COASY: variants seen among roughly 807,000 people sequenced by gnomAD.
The protein encoded by COASY is bifunctional coenzyme A synthase.
COASY carries 31 observed loss-of-function variants against 49.4 expected under a neutral mutation model. The ratio of observed to expected loss-of-function variants is 0.63; its 90% CI spans 0.47 to 0.85. The LOEUF is 0.85. COASY is among the 40% of genes least tolerant of loss of function. COASY has a pLI of 0.00. For synonymous variants in COASY, 285 were observed against 310.9 expected (o/e 0.92, Z 0.88); for missense variants, 730 against 734.1 (o/e 0.99, Z 0.06).
At chr17:42,564,287 T>G (rs2092991351) in intron 2 of COASY, 112 bp downstream of exon 2, 1 of 1,444,266 alleles carries the variant, frequency 6.9e-7, no homozygotes, top group African/African-American at 1.4e-5. Flanking sequence ...GGGCTCAGGG[T>G]GGTGGGAAGA....
intron 3 of COASY, 49 bp from the exon 4 acceptor site, chr17:42,564,660 T>A: frequency 6.5e-7 from 1 of 1,535,618 alleles, no homozygotes; most frequent in East Asian, 2.3e-5. Context: ...GCCCCAGGCA[T>A]GAGGCTGAGG....
In COASY at chr17:42,562,224, G is replaced by GT; in HGVS notation, c.-398dup. 1.8e-6 allele frequency: 1 copy of GT among 546,114 alleles called. No homozygotes were observed. Among genetic ancestry groups the GT allele is most frequent in the Non-Finnish European group, 3.2e-6 (1 of 308,086 alleles). The allele number at this position is 546,114 out of a possible 1,614,324, so 33.8% of individuals were successfully genotyped here. ...AACCCAAGCCTTGAGGTTTCAGTGA[G>GT]TAGGGGGCCGACGTGAGCTTTAGCG... On this transcript the variant is annotated 5_prime_UTR_variant, in exon 1 of 9. Transcript: ENST00000393818.
chr17:42,563,470 G>A lies in COASY; in HGVS notation c.700+148G>A, dbSNP rs996665222. On this transcript the variant is annotated intron_variant, in intron 1 of 8. Transcript: ENST00000393818. ...GTGGTTGACACTCAATTGGTGCTAA[G>A]GCCATTTTGTCAAATGAACAGCTTT... The A allele has an allele frequency of 1.9e-5, 14 of 754,792 alleles. No homozygotes were observed. The African/African-American group carries it at 2.1e-4, about 11-fold the overall frequency. The allele number at this position is 754,792 out of a possible 1,614,324, so 46.8% of individuals were successfully genotyped here. A position where few individuals can be genotyped will look rare whatever the true frequency, so the allele number is the denominator to read the frequency against.
intron 5 of COASY, 33 bp downstream of exon 5, chr17:42,565,080 G>GC (rs1567905660): frequency 5.0e-6 from 8 of 1,609,416 alleles, no homozygotes; most frequent in Non-Finnish European, 5.1e-6. Flanking sequence ...CTCCTAAGCC[G>GC]CTACTAGACC....
At position 42,564,725 on chromosome 17, in the gene COASY, C is replaced by T. The variant is rs373975726; in HGVS notation, c.1064C>T (p.Pro355Leu). The part of the protein sequence containing the change: ...LRPPYERPEL[P>L]TCLYVIGLTG... ...TATCCCCAGGAAAGGCCAGAGCTCC[C>T]CACATGTCTCTATGTAATTGGGCTG... is the stretch of plus-strand genomic sequence containing the variant. The change falls in exon 4 of 9, where the codon CCC becomes CTC. Residue 355 changes from proline to leucine, a missense_variant. Pro to Leu is a moderately conservative substitution (Grantham distance 98). Transcript: ENST00000393818. 2.8e-5 allele frequency: 43 copies of T among 1,527,404 alleles called. No individual in the cohort carries two copies. In the African/African-American group the frequency reaches 5.8e-4, roughly 21 times the overall value. The allele number at this position is 1,527,404 out of a possible 1,614,324, so 94.6% of individuals were successfully genotyped here.
At chr17:42,564,297 A>C (rs1175301556) in intron 2 of COASY, 122 bp downstream of exon 2, 5 of 1,455,164 alleles carry the variant, frequency 3.4e-6, no homozygotes, top group Non-Finnish European at 4.8e-6. Context: ...TGGTGGGAAG[A>C]AGCAAGGAGG....
chr17:42,565,842 A>T, intron 8 of COASY, 37 bp downstream of exon 8: 7 of 1,613,892 alleles, frequency 4.3e-6, no homozygotes, highest in Non-Finnish European at 5.9e-6. Flanking sequence ...GTGGGGAAGG[A>T]GTCTCCAGTG....
Position 42,562,676 on chromosome 17 carries a change from A to G in COASY, c.54A>G (p.Leu18=). ...LLVLTTPLAS[L]APRLASILTS... ...TGCTGACGACGCCGCTGGCCTCCCT[A>G]GCCCCTCGCCTGGCCTCCATCCTGA... The change falls in exon 1 of 9, where the codon CTA becomes CTG. Residue 18 remains leucine (L), a synonymous_variant. Coordinates refer to ENST00000393818, the MANE Select transcript of COASY (RefSeq NM_025233.7). 4 of 1,537,480 alleles carry G rather than the reference A, an allele frequency of 2.6e-6. No individual in the cohort carries two copies. Among genetic ancestry groups the G allele is most frequent in the African/African-American group, 1.4e-5 (1 of 72,926 alleles).
chr17:42,564,716 CAGAG>C lies in COASY; in HGVS notation c.1056_1059del (p.Glu353SerfsTer7), dbSNP rs2143212005. ...CCTTTCACCTATCCCCAGGAAAGGC[CAGAG>C]CTCCCCACATGTCTCTATGTAATTG... On this transcript the variant is annotated frameshift_variant, in exon 4 of 9. Coordinates refer to ENST00000393818, the MANE Select transcript of COASY (RefSeq NM_025233.7). LOFTEE classifies it high-confidence loss of function. The C allele has an allele frequency of 6.6e-7, 1 of 1,526,386 alleles. No homozygotes were observed. Among genetic ancestry groups the C allele is most frequent in the Admixed American group, 2.2e-5 (1 of 44,682 alleles). 94.6% of individuals were successfully genotyped at this position (1,526,386 alleles called of 1,614,324 possible).
rs2092991675 is a variant in COASY, at chr17:42,564,343, G to A, written c.916-103G>A. On this transcript the variant is annotated intron_variant, in intron 2 of 8. Coordinates refer to ENST00000393818, the MANE Select transcript of COASY (RefSeq NM_025233.7). The stretch of plus-strand genomic sequence containing the variant: ...CAGTTTGCCCGCTGAGTCGGAGGAG[G>A]AGGAGCCTGGGTAGGAAGGGGAGGA... 5.8e-6 allele frequency: 9 copies of A among 1,561,574 alleles called. No individual in the cohort carries two copies. In the East Asian group the frequency reaches 1.8e-4, roughly 31 times the overall value.
chr17:42,563,568 A>T, intron 1 of COASY: 1 of 546,098 alleles, frequency 1.8e-6, no homozygotes, highest in Non-Finnish European at 3.2e-6. Flanking sequence ...CATTTTAGCA[A>T]GTTTTCCAGG....
Position 42,562,598 on chromosome 17 carries a change from C to A in COASY, c.-25C>A. The A allele has an allele frequency of 6.5e-7, 1 of 1,541,550 alleles. No individual in the cohort carries two copies. The highest frequency in any genetic ancestry group is 8.7e-7 in the Non-Finnish European group (1 of 1,148,358). On this transcript the variant is annotated 5_prime_UTR_variant, in exon 1 of 9. The change creates a new upstream start codon in the 5' untranslated region. Coordinates refer to ENST00000393818, the MANE Select transcript of COASY (RefSeq NM_025233.7). ...CTTCAGTCACCGTCGCCTCGTCTCC[C>A]TGACTGTCCGCAGGCCTGGGCAGCA...
chr17:42,564,304 G>C (rs370918064), intron 2 of COASY, 129 bp downstream of exon 2: 2 of 1,461,006 alleles, frequency 1.4e-6, no homozygotes, highest in African/African-American at 2.8e-5. Context: ...AAGAAGCAAG[G>C]AGGAACTGGT....
Position 42,564,065 on chromosome 17 carries a change from C to T in COASY, c.805C>T (p.Leu269=), listed in dbSNP as rs1555624916. The change falls in exon 2 of 9, where the codon CTG becomes TTG. Residue 269 remains leucine (L), a synonymous_variant. Transcript: ENST00000393818. ...CTCCTTGACTTTTGATGTCATCCCC[C>T]TGCTGGACCCCTATGGGCCCGCTGG... is the stretch of plus-strand genomic sequence containing the variant. The part of the protein sequence containing the change: ...KPSLTFDVIP[L]LDPYGPAGSD... 6.2e-7 allele frequency: 1 copy of T among 1,614,150 alleles called. No homozygotes were observed. The highest frequency in any genetic ancestry group is 1.1e-5 in the South Asian group (1 of 91,076).
In COASY at chr17:42,562,561, C is replaced by A. The variant is rs919671111; in HGVS notation, c.-62C>A. 2 of 1,574,522 alleles carry A rather than the reference C, an allele frequency of 1.3e-6. No homozygotes were observed. The highest frequency in any genetic ancestry group is 1.4e-5 in the African/African-American group (1 of 73,280). On this transcript the variant is annotated 5_prime_UTR_variant, in exon 1 of 9. Coordinates refer to ENST00000393818, the MANE Select transcript of COASY (RefSeq NM_025233.7). The stretch of plus-strand genomic sequence containing the variant: ...CAAGGTCCCATACAGGCCTCTGCCT[C>A]GGCCGCAGGCCCTTCAGTCACCGTC...
chr17:42,562,970 A>G lies in COASY; in HGVS notation c.348A>G (p.Thr116=), dbSNP rs552709476. ...NLAHPPEVVL[T]DFQTLDGSQY... is the part of the protein sequence containing the mutation. ...CCCACCCGCCAGAAGTCGTGTTGACAGATTTCCAGACCCTGGATGGAAGCC... is the reference window on the plus strand; with the variant it reads ...CCCACCCGCCAGAAGTCGTGTTGACGGATTTCCAGACCCTGGATGGAAGCC... Residue 116 remains threonine, a synonymous_variant, in exon 1 of 9, where the codon ACA becomes ACG. Transcript: ENST00000393818. The G allele has an allele frequency of 8.1e-6, 13 of 1,614,056 alleles. No individual in the cohort carries two copies. Among genetic ancestry groups the G allele is most frequent in the African/African-American group, 2.7e-5 (2 of 75,054 alleles).
chr17:42,562,865 G>C lies in COASY; in HGVS notation c.243G>C (p.Leu81Phe). The C allele has an allele frequency of 1.2e-6, 2 of 1,613,396 alleles. No individual in the cohort carries two copies. Among genetic ancestry groups the C allele is most frequent in the Admixed American group, 1.7e-5 (1 of 60,018 alleles). ...CTGGCGCCGACGTCCACAGGCACTT[G>C]GACGTCAGAATCCTACTGACCAATA... is the stretch of plus-strand genomic sequence containing the variant. ...LYAGADVHRH[L>F]DVRILLTNIR... The change falls in exon 1 of 9, where the codon TTG (leucine) becomes TTC (phenylalanine). Residue 81 changes from leucine (L) to phenylalanine (F), a missense_variant. Physicochemically the swap from Leu to Phe is conservative, Grantham distance 22. Coordinates refer to ENST00000393818, the MANE Select transcript of COASY (RefSeq NM_025233.7).
chr17:42,563,342 G>A lies in COASY; in HGVS notation c.700+20G>A. The A allele has an allele frequency of 6.4e-7, 1 of 1,559,012 alleles. No homozygotes were observed. The highest frequency in any genetic ancestry group is 8.7e-7 in the Non-Finnish European group (1 of 1,151,622). ...TGAAGAGTGAGTAAGAGGGACCCTG[G>A]ACTAGGGTGGAGGATCCCCAAATCT... On this transcript the variant is annotated intron_variant, in intron 1 of 8. Transcript: ENST00000393818.
At position 42,562,441 on chromosome 17, in the gene COASY, C is replaced by T. The variant is rs753779026; in HGVS notation, c.-182C>T. 2 of 1,613,924 alleles carry T rather than the reference C, an allele frequency of 1.2e-6. No homozygotes were observed. Among genetic ancestry groups the T allele is most frequent in the Admixed American group, 3.3e-5 (2 of 60,026 alleles). On this transcript the variant is annotated 5_prime_UTR_variant, in exon 1 of 9. Coordinates refer to ENST00000393818, the MANE Select transcript of COASY (RefSeq NM_025233.7). ...GGACACCAAGGCTTAGAGCACAGCC[C>T]CGAGGCGCCGTCTACCAGGCCCCGT...
Sources: gnomAD v4.1 joint callset for allele counts on GRCh38, gnomAD v4.1.1 for gene constraint, MANE v1.5 for transcripts, NCBI Gene and HGNC (gene_info 2026-07-23, HGNC 2026-07-21) for gene names.